ABI3BP: variants seen among roughly 807,000 people sequenced by gnomAD.
ABI3BP encodes target of Nesh-SH3.
A neutral mutation model predicts 268.6 loss-of-function variants in ABI3BP; 216 were observed. The observed-to-expected ratio is 0.80, with a 90% CI of 0.72 to 0.90. The LOEUF is 0.90. Among genes scored for constraint, ABI3BP ranks in the 40% least tolerant of loss-of-function variants. The pLI is 0.00. For missense variants in ABI3BP, 2,090 were observed against 2,182.4 expected (o/e 0.96, Z 0.84); for synonymous variants, 730 against 730.0 (o/e 1.00, Z 0.00).
At chr3:100,838,500 C>A in intron 24 of ABI3BP, 36 bp from the exon 25 acceptor site, 1 of 1,477,784 alleles carries the variant, frequency 6.8e-7, no homozygotes, top group South Asian at 1.2e-5. Flanking sequence ...CACAATGGGT[C>A]ATGGCTGTGA....
chr3:100,841,692 C>T lies in ABI3BP; in HGVS notation c.1765+306G>A, dbSNP rs535912289. ...TCACCTGAGATCAGGAGTTTGAGAC[C>T]AGCCTGGCCAGCGTGGTGAAACCCT... On this transcript the variant is annotated intron_variant, in intron 21 of 67. Coordinates refer to ENST00000471714, the MANE Select transcript of ABI3BP (RefSeq NM_001375547.2). 1.6e-4 allele frequency among the ~76,000 whole-genome samples: 25 copies of T among 152,052 alleles called. No individual in the cohort carries two copies. The South Asian group carries it at 5.2e-3, about 32-fold the overall frequency.
intron 63 of ABI3BP, among the ~76,000 whole-genome samples, chr3:100,758,375 A>G (rs1373302946): frequency 6.6e-6 from 1 of 152,234 alleles, no homozygotes; most frequent in African/African-American, 2.4e-5. Context: ...ATGTAAAAGC[A>G]AGGTGCTTGA....
chr3:100,964,324 G>C (rs146655818), intron 1 of ABI3BP, among the ~76,000 whole-genome samples: 3 of 152,190 alleles, frequency 2.0e-5, no homozygotes, highest in African/African-American at 7.2e-5. Flanking sequence ...TGGGCACTAT[G>C]TAAATGTCAT....
chr3:100,798,324 A>C (rs1470081454), intron 51 of ABI3BP, among the ~76,000 whole-genome samples: 1 of 152,168 alleles, frequency 6.6e-6, no homozygotes, highest in African/African-American at 2.4e-5. Context: ...AAGGAAAGAA[A>C]TAGAAATATT....
At chr3:100,952,337 G>A (rs1173625788) in intron 1 of ABI3BP, among the ~76,000 whole-genome samples, 2 of 152,130 alleles carry the variant, frequency 1.3e-5, no homozygotes, top group African/African-American at 4.8e-5. Flanking sequence ...TAGTGAATTA[G>A]CTTGATTTAG....
At chr3:100,813,627 C>T in intron 45 of ABI3BP, 34 bp downstream of exon 45, 2 of 1,484,742 alleles carry the variant, frequency 1.3e-6, no homozygotes, top group Non-Finnish European at 1.8e-6. Context: ...TTAAAGCACA[C>T]AGTATACCCA....
chr3:100,984,372 C>T (rs939267305), intron 1 of ABI3BP, among the ~76,000 whole-genome samples: 3 of 152,092 alleles, frequency 2.0e-5, no homozygotes, highest in Non-Finnish European at 4.4e-5. Context: ...GTGACTTAGG[C>T]CTCAATTTTC....
At chr3:100,810,572 A>T (rs972910964) in intron 48 of ABI3BP, 95 bp from the exon 49 acceptor site, 24 of 812,430 alleles carry the variant, frequency 3.0e-5, no homozygotes, top group Middle Eastern at 2.6e-4. Context: ...AGATTTTTTT[A>T]AAATAAAGAA....
intron 2 of ABI3BP, among the ~76,000 whole-genome samples, chr3:100,904,009 A>C (rs1270466958): frequency 6.6e-6 from 1 of 152,208 alleles, no homozygotes; most frequent in Non-Finnish European, 1.5e-5. Flanking sequence ...ACCCAAATCA[A>C]ATCAACAAGT....
intron 1 of ABI3BP, among the ~76,000 whole-genome samples, chr3:100,930,193 TAAAAA>T (rs1481301453): frequency 1.3e-5 from 2 of 151,782 alleles, no homozygotes; most frequent in African/African-American, 2.4e-5. Context: ...CATCTATAAG[TAAAAA>T]TGGTATATAT....
intron 22 of ABI3BP, among the ~76,000 whole-genome samples, chr3:100,840,482 G>C (rs369581180): frequency 1.3e-5 from 2 of 152,064 alleles, no homozygotes; most frequent in Admixed American, 1.3e-4. Context: ...ACATGAGAAA[G>C]GTTGCTTTTA....
chr3:100,928,697 A>G (rs2062648712), intron 1 of ABI3BP, among the ~76,000 whole-genome samples: 1 of 152,096 alleles, frequency 6.6e-6, no homozygotes, highest in Non-Finnish European at 1.5e-5. Flanking sequence ...CCAAAATCTG[A>G]AAAGGGACCT....
rs565649374 is a variant in ABI3BP, at chr3:100,903,947, C to T, written c.260-1261G>A. Among the ~76,000 whole-genome samples the T allele has an allele frequency of 2.8e-4, 43 of 152,268 alleles. 1 individual carries two copies. The South Asian group carries it at 8.1e-3, about 29-fold the overall frequency. ...AGGAGCATTCATTCTGTTCCAGTCTCGTGTGTTTGAAAGCACATCTTGCTT... is the reference window on the plus strand; with the variant it reads ...AGGAGCATTCATTCTGTTCCAGTCTTGTGTGTTTGAAAGCACATCTTGCTT... On this transcript the variant is annotated intron_variant, in intron 2 of 67. Coordinates refer to ENST00000471714, the MANE Select transcript of ABI3BP (RefSeq NM_001375547.2).
chr3:100,876,426 C>G, intron 7 of ABI3BP, 86 bp downstream of exon 7: 1 of 1,209,450 alleles, frequency 8.3e-7, no homozygotes, highest in Non-Finnish European at 1.2e-6. Context: ...ATTAAAAAAT[C>G]GAGAAAATAT....
At chr3:100,763,769 A>C (rs2096114109) in intron 63 of ABI3BP, among the ~76,000 whole-genome samples, 1 of 152,206 alleles carries the variant, frequency 6.6e-6, no homozygotes. Context: ...TTCTCTACCT[A>C]CTTCACCAGG....
rs560108041 is a variant in ABI3BP, at chr3:100,817,785, T to C, written c.3089-290A>G. Among the ~76,000 whole-genome samples the C allele has an allele frequency of 7.9e-5, 12 of 152,340 alleles. No individual in the cohort carries two copies. The South Asian group carries it at 2.1e-3, about 26-fold the overall frequency. On this transcript the variant is annotated intron_variant, in intron 41 of 67. Coordinates refer to ENST00000471714, the MANE Select transcript of ABI3BP (RefSeq NM_001375547.2). ...GCTTTTTACACATTTGCATAATATA[T>C]GCTTTTCTAACTGTATTGAAAAAGG...
intron 1 of ABI3BP, among the ~76,000 whole-genome samples, chr3:100,928,110 T>C (rs1018859741): frequency 5.9e-5 from 9 of 151,994 alleles, no homozygotes; most frequent in African/African-American, 1.9e-4. Context: ...AAGACCCCAT[T>C]GAGGAAGTTA....
chr3:100,845,738 T>C (rs535182221), intron 20 of ABI3BP, among the ~76,000 whole-genome samples: 30 of 151,666 alleles, frequency 2.0e-4, no homozygotes, highest in Non-Finnish European at 4.0e-4. Context: ...TACAGATAGA[T>C]AAAAAAAACT....
intron 34 of ABI3BP, among the ~76,000 whole-genome samples, chr3:100,826,154 G>A (rs2098380389): frequency 6.6e-6 from 1 of 152,166 alleles, no homozygotes; most frequent in African/African-American, 2.4e-5. Context: ...ACACACAGAG[G>A]AAAGGCCATG....
Sources: gnomAD v4.1 joint callset for allele counts (sites outside exome capture counted in the v4.1 genomes callset) on GRCh38, gnomAD v4.1.1 for gene constraint, MANE v1.5 for transcripts, NCBI Gene and HGNC (gene_info 2026-07-23, HGNC 2026-07-21) for gene names.